KCNH6: variants seen among roughly 807,000 people sequenced by gnomAD.
The protein encoded by KCNH6 is voltage-gated inwardly rectifying potassium channel KCNH6.
In KCNH6, 81 loss-of-function variants were observed where a neutral mutation model predicts 83.4. That is an observed-to-expected ratio of 0.97 (90% confidence interval 0.81 to 1.17). KCNH6 has a LOEUF of 1.17. KCNH6 is among the 50% of genes most tolerant of loss of function. The pLI is 0.00. For synonymous variants in KCNH6, 503 were observed against 545.6 expected, an observed-to-expected ratio of 0.92 and a Z score of 1.09; for missense variants, 1,203 against 1,290.5, an observed-to-expected ratio of 0.93 and a Z score of 1.04.
rs1337642339 is a variant in KCNH6 at position 63,545,114 on chromosome 17, C to T, written c.2433C>T (p.Ile811=). The T allele has an allele frequency of 2.9e-5, 46 of 1,613,622 alleles. 1 individual carries two copies. The highest frequency in any genetic ancestry group is 8.8e-5 in the South Asian group (8 of 91,096). The change falls in exon 12 of 13, where the codon ATC becomes ATT. Residue 811 remains isoleucine, a synonymous_variant. Coordinates refer to ENST00000314672, the MANE Select transcript of KCNH6 (RefSeq NM_001278919.2). ...GCGTGTCCTCAGACCTCAGCCGCATCTTGCAGCTCCTCCAGAAGCCCATGC... is the reference window on the plus strand; with the variant it reads ...GCGTGTCCTCAGACCTCAGCCGCATTTTGCAGCTCCTCCAGAAGCCCATGC... ...ESRVSSDLSR[I]LQLLQKPMPQ... is the part of the protein sequence containing the mutation.
chr17:63,526,946 A>G (rs2031756030), intron 2 of KCNH6, among the ~76,000 whole-genome samples: 1 of 152,124 alleles, frequency 6.6e-6, no homozygotes, highest in South Asian at 2.1e-4. Context: ...AGTGGTGAGA[A>G]CCTAACAGAT....
rs552111089 is a variant in KCNH6, at chr17:63,545,003, G to A, written c.2397-75G>A. 8 of 1,441,614 alleles carry A rather than the reference G, an allele frequency of 5.5e-6. No individual in the cohort carries two copies. In the African/African-American group the frequency reaches 8.4e-5, roughly 15 times the overall value. 89.3% of individuals were successfully genotyped at this position (1,441,614 alleles called of 1,614,324 possible). A position where few individuals can be genotyped will look rare whatever the true frequency, so the allele number is the denominator to read the frequency against. On this transcript the variant is annotated intron_variant, in intron 11 of 12. Transcript: ENST00000314672. ...TCCATCTAGCAGGAACAGCACGCAG[G>A]CTACAAGATTGACAGCTGCCCTCAG...
chr17:63,540,373 A>C (rs1162060656), intron 8 of KCNH6, among the ~76,000 whole-genome samples: 1 of 152,140 alleles, frequency 6.6e-6, no homozygotes, highest in African/African-American at 2.4e-5. Flanking sequence ...TGGAAATTGC[A>C]GTAAACCAAG....
At chr17:63,540,794 G>A (rs1475560762) in intron 8 of KCNH6, among the ~76,000 whole-genome samples, 4 of 152,216 alleles carry the variant, frequency 2.6e-5, no homozygotes, top group African/African-American at 7.2e-5. Flanking sequence ...TTCTGGGGGA[G>A]TGGGAATCAA....
intron 4 of KCNH6, 145 bp downstream of exon 4, chr17:63,530,687 C>T: frequency 1.4e-6 from 1 of 712,004 alleles, no homozygotes; most frequent in Non-Finnish European, 2.3e-6. Flanking sequence ...GAGCCCCGGG[C>T]CTCCTGTCCT....
chr17:63,531,997 G>A (rs146780916), intron 4 of KCNH6, among the ~76,000 whole-genome samples: 1 of 152,202 alleles, frequency 6.6e-6, no homozygotes, highest in Admixed American at 6.5e-5. Flanking sequence ...AAAGAGCCTC[G>A]ATGGCTGTGG....
chr17:63,534,237 A>C lies in KCNH6; in HGVS notation c.1027A>C (p.Lys343Gln), dbSNP rs1200085021. The change falls in exon 5 of 13, where the codon AAG (lysine) becomes CAG (glutamine). Residue 343 changes from lysine (K) to glutamine (Q), a missense_variant. Coordinates refer to ENST00000314672, the MANE Select transcript of KCNH6 (RefSeq NM_001278919.2). The surrounding 1 kb of genome is among the most constrained non-coding windows in gnomAD (Gnocchi z 5.0). ...HPRRIAVHYF[K>Q]GWFLIDMVAA... ...CCGCCGCATCGCCGTCCACTACTTCAAGGGCTGGTTCCTCATTGACATGGT... is the reference window on the plus strand; with the variant it reads ...CCGCCGCATCGCCGTCCACTACTTCCAGGGCTGGTTCCTCATTGACATGGT... The C allele has an allele frequency of 6.8e-6, 11 of 1,614,076 alleles. No individual in the cohort carries two copies. The highest frequency in any genetic ancestry group is 8.5e-6 in the Non-Finnish European group (10 of 1,179,982).
rs1326795762 is a variant in KCNH6 at position 63,533,067 on chromosome 17, C to T, written c.676-819C>T. Reference sequence around the variant, plus strand: ...GCACATGTCAGACCTGGGATTCAACCGGGGAGGCCTGGCTTCAGTACCCAT... The same window carrying T: ...GCACATGTCAGACCTGGGATTCAACTGGGGAGGCCTGGCTTCAGTACCCAT... On this transcript the variant is annotated intron_variant, in intron 4 of 12. Transcript: ENST00000314672. This position sits in a 1 kb window ranked among gnomAD's most constrained non-coding sequence, Gnocchi z 4.1. 1.3e-5 allele frequency among the ~76,000 whole-genome samples: 2 copies of T among 149,270 alleles called. No homozygotes were observed. The highest frequency in any genetic ancestry group is 2.4e-5 in the African/African-American group (1 of 41,224).
chr17:63,543,695 T>G, intron 10 of KCNH6, 35 bp downstream of exon 10: 1 of 1,334,542 alleles, frequency 7.5e-7, no homozygotes, highest in Non-Finnish European at 1.1e-6. Context: ...CACCAGCCTG[T>G]AGCCCCTGCC....
rs1296726479 is a variant in KCNH6, at chr17:63,524,342, G to T, written c.280G>T (p.Val94Leu). Residue 94 changes from valine to leucine, a missense_variant, in exon 2 of 13, where the codon GTG (valine) becomes TTG (leucine). Physicochemically the swap from Val to Leu is conservative, Grantham distance 32. Transcript: ENST00000314672. ...CCTGCTGGGGGCTGAGGAGTGCAAG[G>T]TGGACATCCTCTACTACCGCAAGGA... ...QALLGAEECK[V>L]DILYYRKDAS... The T allele has an allele frequency of 2.5e-6, 4 of 1,613,770 alleles. No homozygotes were observed. The Middle Eastern group carries it at 4.9e-4, about 200-fold the overall frequency.
At chr17:63,531,873 T>C (rs1338250962) in intron 4 of KCNH6, among the ~76,000 whole-genome samples, 1 of 152,156 alleles carries the variant, frequency 6.6e-6, no homozygotes, top group Non-Finnish European at 1.5e-5. Flanking sequence ...CCTCTTGGTG[T>C]CACTCCCCTG....
rs1395727720 is a variant in KCNH6, at chr17:63,538,377, G to A, written c.1702-33G>A. 8 of 1,586,598 alleles carry A rather than the reference G, an allele frequency of 5.0e-6. No homozygotes were observed. Among genetic ancestry groups the A allele is most frequent in the Non-Finnish European group, 6.9e-6 (8 of 1,167,244 alleles). On this transcript the variant is annotated intron_variant, in intron 7 of 12. Transcript: ENST00000314672. This position sits in a 1 kb window ranked among gnomAD's most constrained non-coding sequence, Gnocchi z 4.0. ...CCTCTCCCCCAGCCCCACCCCGGCCGCGTCCCGCTGGACTTGGCCGCCCGC... is the reference window on the plus strand; with the variant it reads ...CCTCTCCCCCAGCCCCACCCCGGCCACGTCCCGCTGGACTTGGCCGCCCGC...
Position 63,538,656 on chromosome 17 carries a change from A to G in KCNH6, c.1948A>G (p.Ile650Val), listed in dbSNP as rs763667595. ...EILRDDVVVA[I>V]LGKNDIFGEP... ...CCTGCGCGACGACGTGGTCGTGGCC[A>G]TCCTAGGTGGGTCCGGCGGAGTGGA... Residue 650 changes from isoleucine to valine, a missense_variant, in exon 8 of 13, where the codon ATC becomes GTC. Ile to Val is a conservative substitution (Grantham distance 29). Transcript: ENST00000314672. This position sits in a 1 kb window ranked among gnomAD's most constrained non-coding sequence, Gnocchi z 4.0. 6.9e-6 allele frequency: 11 copies of G among 1,586,432 alleles called. No individual in the cohort carries two copies. In the Admixed American group the frequency reaches 1.9e-4, roughly 27 times the overall value.
chr17:63,540,708 T>C (rs1418097706), intron 8 of KCNH6, among the ~76,000 whole-genome samples: 2 of 152,182 alleles, frequency 1.3e-5, no homozygotes, highest in African/African-American at 2.4e-5. Flanking sequence ...TCCTGTTCTC[T>C]TGTGGGGACA....
rs769536880 is a variant in KCNH6, at chr17:63,535,718, T to C, written c.1151T>C (p.Val384Ala). 6 of 1,603,846 alleles carry C rather than the reference T, an allele frequency of 3.7e-6. No homozygotes were observed. In the African/African-American group the frequency reaches 6.7e-5, roughly 18 times the overall value. ...LLKTARLLRL[V>A]RVARKLDRYS... Reference sequence around the variant, plus strand: ...AAGACAGCGCGGCTGCTGCGGCTGGTGCGCGTAGCACGGAAGCTGGACCGC... The same window carrying C: ...AAGACAGCGCGGCTGCTGCGGCTGGCGCGCGTAGCACGGAAGCTGGACCGC... Residue 384 changes from valine (V) to alanine (A), a missense_variant, in exon 6 of 13, where the codon GTG becomes GCG. By Grantham distance (64) the Val-to-Ala change is moderately conservative. Coordinates refer to ENST00000314672, the MANE Select transcript of KCNH6 (RefSeq NM_001278919.2). This position sits in a 1 kb window ranked among gnomAD's most constrained non-coding sequence, Gnocchi z 4.9.
Position 63,544,358 on chromosome 17 carries a change from C to T in KCNH6, c.2343C>T (p.Cys781=). 2 of 1,610,944 alleles carry T rather than the reference C, an allele frequency of 1.2e-6. No homozygotes were observed. The highest frequency in any genetic ancestry group is 1.7e-6 in the Non-Finnish European group (2 of 1,178,624). The part of the protein sequence containing the change: ...SPQSPQEDPD[C]WPLKLGSRLE... ...AAAGCCCTCAGGAAGACCCAGATTG[C>T]TGGCCTCTGAAGCTGGGCTCCAGGC... Residue 781 remains cysteine (C), a synonymous_variant, in exon 11 of 13, where the codon TGC becomes TGT. Coordinates refer to ENST00000314672, the MANE Select transcript of KCNH6 (RefSeq NM_001278919.2).
intron 8 of KCNH6, among the ~76,000 whole-genome samples, chr17:63,539,528 G>C (rs1209413615): frequency 6.6e-6 from 1 of 152,190 alleles, no homozygotes; most frequent in East Asian, 1.9e-4. Flanking sequence ...AGTATTCTAT[G>C]AACAGATCAA....
intron 8 of KCNH6, among the ~76,000 whole-genome samples, chr17:63,541,919 G>A (rs978666126): frequency 6.6e-6 from 1 of 152,200 alleles, no homozygotes; most frequent in Non-Finnish European, 1.5e-5. Flanking sequence ...AGCCTTTAGG[G>A]CCCCTTCCTG....
chr17:63,525,219 C>T (rs1194757793), intron 2 of KCNH6, among the ~76,000 whole-genome samples: 2 of 152,202 alleles, frequency 1.3e-5, no homozygotes, highest in Non-Finnish European at 2.9e-5. Context: ...TTCTGATGTC[C>T]TGCTTACTTT....
Sources: gnomAD v4.1 joint callset for allele counts (sites outside exome capture counted in the v4.1 genomes callset) on GRCh38, gnomAD v4.1.1 for gene constraint, Gnocchi (gnomAD v3.1) non-coding constraint, MANE v1.5 for transcripts, NCBI Gene and HGNC (gene_info 2026-07-23, HGNC 2026-07-21) for gene names.